LIN52: variants seen among roughly 807,000 people sequenced by gnomAD.
The protein encoded by LIN52 is protein lin-52 homolog.
In LIN52, 4 loss-of-function variants were observed where a neutral mutation model predicts 18.5. That is an observed-to-expected ratio of 0.22 (90% CI 0.11 to 0.49). LIN52 has a LOEUF of 0.49. LIN52 is among the 20% of genes least tolerant of loss of function. The pLI, the probability that LIN52 is intolerant of heterozygous loss-of-function variation, is 0.97. For missense variants in LIN52, 102 were observed against 139.5 expected, an observed-to-expected ratio of 0.73 and a Z score of 1.35; for synonymous variants, 34 against 45.5, an observed-to-expected ratio of 0.75 and a Z score of 1.02.
Position 74,201,052 on chromosome 14 carries a change from G to A in LIN52, c.*2075G>A, listed in dbSNP as rs1349888783. ...TCACCAGCACTTAATGTAAGTAGAT[G>A]TTTTAGAATTGCAATATTTATTGGT... On this transcript the variant is annotated 3_prime_UTR_variant, in exon 6 of 6. Transcript: ENST00000555028. 11 of 152,068 alleles carry A rather than the reference G, an allele frequency of 7.2e-5. No homozygotes were observed. The East Asian group carries it at 2.1e-3, about 29-fold the overall frequency. The allele number at this position is 152,068 out of a possible 1,614,324, so 9.4% of individuals were successfully genotyped here. A position where few individuals can be genotyped will look rare whatever the true frequency, so the allele number is the denominator to read the frequency against.
intron 5 of LIN52, among the ~76,000 whole-genome samples, chr14:74,187,207 C>T (rs971786134): frequency 9.2e-5 from 14 of 152,132 alleles, no homozygotes; most frequent in African/African-American, 3.4e-4. Context: ...AAGTAAATTA[C>T]TTGTTTGTGG....
At chr14:74,087,123 A>G (rs886138681) in intron 1 of LIN52, among the ~76,000 whole-genome samples, 4 of 152,110 alleles carry the variant, frequency 2.6e-5, no homozygotes, top group Non-Finnish European at 5.9e-5. Context: ...AGTATTAAAA[A>G]CATTAAATTT....
At chr14:74,153,371 T>A (rs2061185239) in intron 5 of LIN52, among the ~76,000 whole-genome samples, 1 of 152,140 alleles carries the variant, frequency 6.6e-6, no homozygotes, top group East Asian at 1.9e-4. Context: ...TCATTGATAT[T>A]TTGCATGGGG....
At chr14:74,170,712 A>C (rs1347168392) in intron 5 of LIN52, among the ~76,000 whole-genome samples, 1 of 152,084 alleles carries the variant, frequency 6.6e-6, no homozygotes, top group Non-Finnish European at 1.5e-5. Flanking sequence ...TAAGCAGTAG[A>C]AACTATAAAG....
intron 5 of LIN52, 53 bp downstream of exon 5, chr14:74,101,291 A>G (rs2060853376): frequency 7.8e-7 from 1 of 1,289,382 alleles, no homozygotes; most frequent in Non-Finnish European, 1.1e-6. Flanking sequence ...TGAGCTGTGT[A>G]TTCCACCCTG....
intron 4 of LIN52, among the ~76,000 whole-genome samples, chr14:74,099,665 G>A (rs2060840289): frequency 6.6e-6 from 1 of 151,858 alleles, no homozygotes; most frequent in Non-Finnish European, 1.5e-5. Context: ...CGAGAATTTG[G>A]GGATCAGAGT....
At chr14:74,198,537 C>T (rs1305584942) in intron 5 of LIN52, among the ~76,000 whole-genome samples, 1 of 152,176 alleles carries the variant, frequency 6.6e-6, no homozygotes, top group East Asian at 1.9e-4. Context: ...ACCAGCAACC[C>T]AGAGAAGACT....
chr14:74,150,506 A>T (rs1205177246), intron 5 of LIN52, among the ~76,000 whole-genome samples: 1 of 152,128 alleles, frequency 6.6e-6, no homozygotes, highest in East Asian at 1.9e-4. Flanking sequence ...TACAAATCCA[A>T]ATAATGGTTG....
At chr14:74,158,105 CTA>C (rs1015989772) in intron 5 of LIN52, among the ~76,000 whole-genome samples, 6 of 92,766 alleles carry the variant, frequency 6.5e-5, no homozygotes, top group Admixed American at 1.2e-4. Context: ...ATCATCACTG[CTA>C]TATATATATA....
At chr14:74,098,522 A>G (rs2060830743) in intron 4 of LIN52, among the ~76,000 whole-genome samples, 1 of 151,596 alleles carries the variant, frequency 6.6e-6, no homozygotes, top group South Asian at 2.1e-4. Context: ...TCTCAAAAAA[A>G]AAAAAAAGTT....
At chr14:74,151,951 CTTAAA>C (rs1325238003) in intron 5 of LIN52, among the ~76,000 whole-genome samples, 1 of 151,964 alleles carries the variant, frequency 6.6e-6, no homozygotes, top group South Asian at 2.1e-4. Context: ...GATGCATTGT[CTTAAA>C]TTAAGTGTGC....
At chr14:74,116,792 A>G (rs956464079) in intron 5 of LIN52, among the ~76,000 whole-genome samples, 1 of 151,610 alleles carries the variant, frequency 6.6e-6, no homozygotes, top group African/African-American at 2.4e-5. Flanking sequence ...GGATAATAGC[A>G]AGTGACAAAA....
intron 1 of LIN52, among the ~76,000 whole-genome samples, chr14:74,088,974 A>T (rs2060753536): frequency 2.0e-5 from 3 of 152,164 alleles, no homozygotes; most frequent in African/African-American, 7.2e-5. Context: ...ACATTCACAG[A>T]TTTAGCTGGG....
intron 5 of LIN52, among the ~76,000 whole-genome samples, chr14:74,172,885 T>C (rs2061277621): frequency 6.6e-6 from 1 of 152,210 alleles, no homozygotes; most frequent in South Asian, 2.1e-4. Context: ...CTAACTTGTT[T>C]AGTGAGTTTC....
chr14:74,172,909 C>G (rs75981372), intron 5 of LIN52, among the ~76,000 whole-genome samples: 2,583 of 152,198 alleles, frequency 0.017, 62 homozygotes, highest in East Asian at 0.055. Flanking sequence ...ATATTCTAAT[C>G]TCTTCAAATT....
chr14:74,137,498 C>CTCTTTTTTTTTTTTTT (rs776969152), intron 5 of LIN52, among the ~76,000 whole-genome samples: 15 of 111,620 alleles, frequency 1.3e-4, no homozygotes, highest in East Asian at 1.2e-3. Flanking sequence ...CAGCAGCTCT[C>CTCTTTTTTTTTTTTTT]TTTTTTTTTT....
chr14:74,125,894 G>T (rs1217712701), intron 5 of LIN52, among the ~76,000 whole-genome samples: 3 of 126,332 alleles, frequency 2.4e-5, no homozygotes, highest in East Asian at 2.7e-4. Flanking sequence ...GTTGTGGGGT[G>T]GGGGGAGGGG....
intron 5 of LIN52, among the ~76,000 whole-genome samples, chr14:74,118,833 C>G (rs1386686486): frequency 6.6e-6 from 1 of 152,114 alleles, no homozygotes; most frequent in Non-Finnish European, 1.5e-5. Flanking sequence ...CCTTCTAGTC[C>G]CTACTTGCCC....
At chr14:74,146,982 G>A (rs944390916) in intron 5 of LIN52, among the ~76,000 whole-genome samples, 3 of 152,130 alleles carry the variant, frequency 2.0e-5, no homozygotes, top group African/African-American at 7.2e-5. Flanking sequence ...CATGAGGCCA[G>A]GCATGGTGGC....
Sources: allele counts gnomAD v4.1 joint callset (sites outside exome capture counted in the v4.1 genomes callset), GRCh38; gene constraint gnomAD v4.1.1; transcripts MANE v1.5; gene names NCBI Gene and HGNC (gene_info 2026-07-23, HGNC 2026-07-21).